Variants in KHDRBS2 observed in about 807,000 individuals in gnomAD.
The protein encoded by KHDRBS2 is KH RNA binding domain containing, signal transduction associated 2, also known as KH domain-containing, RNA-binding, signal transduction-associated protein 2.
Under a neutral mutation model 44.3 loss-of-function variants are expected in KHDRBS2, and 26 were observed. That is an observed-to-expected ratio of 0.59 (90% CI 0.43 to 0.81). The LOEUF is 0.81. Ranked by LOEUF, KHDRBS2 falls within the 40% of genes least tolerant of loss-of-function variation. The pLI, the probability that KHDRBS2 is intolerant of heterozygous loss-of-function variation, is 0.00. For synonymous variants in KHDRBS2, 194 were observed against 151.1 expected (o/e 1.28, Z -2.08); for missense variants, 476 against 433.1 (o/e 1.10, Z -0.88).
At chr6:61,615,184 G>T in the KHDRBS2 span, among the ~76,000 whole-genome samples, 3 of 116,006 alleles carry the variant, frequency 2.6e-5, no homozygotes, top group African/African-American at 1.0e-4. Flanking sequence ...AGTGAGCCGA[G>T]ATCACACCAC....
At chr6:62,190,816 T>C (rs540363587) in intron 1 of KHDRBS2, among the ~76,000 whole-genome samples, 23 of 152,194 alleles carry the variant, frequency 1.5e-4, no homozygotes, top group African/African-American at 5.5e-4. Context: ...GAGCAAGAGT[T>C]ACTCCCTGGT....
At chr6:62,121,305 G>A (rs760456225) in intron 2 of KHDRBS2, among the ~76,000 whole-genome samples, 7 of 152,200 alleles carry the variant, frequency 4.6e-5, no homozygotes, top group South Asian at 2.1e-4. Context: ...TCCCTGGAGC[G>A]ATTGCAAAGA....
the KHDRBS2 span, among the ~76,000 whole-genome samples, chr6:61,622,048 GCCTTGTGAGAA>G: frequency 1.3e-5 from 2 of 152,172 alleles, no homozygotes; most frequent in African/African-American, 2.4e-5. Flanking sequence ...TTTAATTGTA[GCCTTGTGAGAA>G]CCTGGGCAGA....
chr6:62,036,038 G>A (rs1156570419), intron 3 of KHDRBS2, among the ~76,000 whole-genome samples: 3 of 151,986 alleles, frequency 2.0e-5, no homozygotes, highest in Non-Finnish European at 2.9e-5. Context: ...TAGACATGAA[G>A]ATTTCCCAGA....
the KHDRBS2 span, among the ~76,000 whole-genome samples, chr6:61,570,373 G>A: frequency 6.6e-6 from 1 of 151,802 alleles, no homozygotes; most frequent in Non-Finnish European, 1.5e-5. Flanking sequence ...CAAAAACAAA[G>A]AAGAAAGAAT....
chr6:61,631,335 A>AAAAAAAAAAG, the KHDRBS2 span, among the ~76,000 whole-genome samples: 86 of 104,730 alleles, frequency 8.2e-4, 12 homozygotes, highest in Non-Finnish European at 1.2e-3. Context: ...AAAAAAAAAA[A>AAAAAAAAAAG]AAGACAATAC....
the KHDRBS2 span, among the ~76,000 whole-genome samples, chr6:61,639,071 T>G: frequency 1.3e-5 from 2 of 152,140 alleles, no homozygotes; most frequent in African/African-American, 4.8e-5. Context: ...TGTAAATATT[T>G]GAAAATGATT....
intron 6 of KHDRBS2, among the ~76,000 whole-genome samples, chr6:61,759,268 G>A (rs1778934753): frequency 6.6e-6 from 1 of 151,980 alleles, no homozygotes; most frequent in Non-Finnish European, 1.5e-5. Flanking sequence ...ATCTAACAAC[G>A]TACACCAAAG....
rs139611712 is a variant in KHDRBS2 at position 62,008,107 on chromosome 6, A to C, written c.337-29895T>G. On this transcript the variant is annotated intron_variant, in intron 3 of 8. Transcript: ENST00000281156. ...CATATTCCTGATTAAAACACCACAC[A>C]ATTTTACTGTTGGATGAATCACAAA... Among the ~76,000 whole-genome samples the C allele has an allele frequency of 7.4e-4, 113 of 152,292 alleles. 2 individuals are homozygous for C. Among genetic ancestry groups the C allele is most frequent in the African/African-American group, 2.5e-3 (103 of 41,576 alleles).
chr6:61,805,594 G>T (rs943903078), intron 6 of KHDRBS2, among the ~76,000 whole-genome samples: 1 of 152,186 alleles, frequency 6.6e-6, no homozygotes, highest in Non-Finnish European at 1.5e-5. Flanking sequence ...TGTAGAAAGA[G>T]ACTTAATTGA....
intron 7 of KHDRBS2, among the ~76,000 whole-genome samples, chr6:61,710,678 G>A (rs1024505593): frequency 1.3e-5 from 2 of 150,572 alleles, no homozygotes; most frequent in Non-Finnish European, 3.0e-5. Context: ...CAGCTCAATG[G>A]TCAGCTTTGT....
chr6:61,668,194 A>G, the KHDRBS2 span, among the ~76,000 whole-genome samples: 1 of 151,066 alleles, frequency 6.6e-6, no homozygotes, highest in South Asian at 2.1e-4. Flanking sequence ...AAACATCAAT[A>G]TATTTATAAA....
chr6:62,082,636 A>G (rs1797624527), intron 2 of KHDRBS2, among the ~76,000 whole-genome samples: 1 of 152,164 alleles, frequency 6.6e-6, no homozygotes, highest in South Asian at 2.1e-4. Context: ...AAAAATTGGA[A>G]TTGGGACAGA....
At chr6:61,898,148 T>C (rs760136982) in intron 5 of KHDRBS2, among the ~76,000 whole-genome samples, 1 of 152,054 alleles carries the variant, frequency 6.6e-6, no homozygotes, top group East Asian at 1.9e-4. Context: ...TTTTTGAATA[T>C]AAGTGTAATT....
chr6:62,079,155 T>A (rs555376964), intron 2 of KHDRBS2, among the ~76,000 whole-genome samples: 29 of 152,150 alleles, frequency 1.9e-4, no homozygotes, highest in Non-Finnish European at 3.5e-4. Context: ...AATAAAGTCA[T>A]CTTGGGTTTC....
At chr6:61,762,895 TG>T (rs1256816634) in intron 6 of KHDRBS2, among the ~76,000 whole-genome samples, 2 of 152,094 alleles carry the variant, frequency 1.3e-5, no homozygotes, top group Non-Finnish European at 2.9e-5. Context: ...TCAAAGCCGT[TG>T]CTTTTTTTTT....
At chr6:61,815,062 T>A (rs1374373856) in intron 6 of KHDRBS2, among the ~76,000 whole-genome samples, 5 of 152,114 alleles carry the variant, frequency 3.3e-5, no homozygotes, top group East Asian at 1.9e-4. Context: ...ACGACAATAG[T>A]CTGTACATGT....
At chr6:61,773,767 A>G (rs1298893872) in intron 6 of KHDRBS2, among the ~76,000 whole-genome samples, 1 of 151,488 alleles carries the variant, frequency 6.6e-6, no homozygotes, top group African/African-American at 2.4e-5. Flanking sequence ...TAGGGTTTTT[A>G]TGGTTTTAGG....
chr6:61,958,632 A>G (rs542221639), intron 4 of KHDRBS2, among the ~76,000 whole-genome samples: 2 of 152,264 alleles, frequency 1.3e-5, no homozygotes, highest in African/African-American at 4.8e-5. Context: ...TTAAATATTT[A>G]CTTTTGAACA....
Sources: gnomAD v4.1 joint callset for allele counts (sites outside exome capture counted in the v4.1 genomes callset) on GRCh38, gnomAD v4.1.1 for gene constraint, MANE v1.5 for transcripts, NCBI Gene and HGNC (gene_info 2026-07-23, HGNC 2026-07-21) for gene names.